Variants in WWOX observed in about 807,000 individuals in gnomAD.
The protein encoded by WWOX is WW domain-containing oxidoreductase.
In WWOX, 69 loss-of-function variants were observed where a neutral mutation model predicts 46.2. The observed-to-expected ratio is 1.49, with a 90% CI of 1.23 to 1.82. The LOEUF (loss-of-function observed/expected upper bound fraction) is 1.82. Among genes scored for constraint, WWOX ranks in the 40% most tolerant of loss-of-function variants. The pLI is 0.00. For missense variants in WWOX, 919 were observed against 542.6 expected, an observed-to-expected ratio of 1.69 and a Z score of -6.89; for synonymous variants, 359 against 202.6, an observed-to-expected ratio of 1.77 and a Z score of -6.56.
intron 8 of WWOX, among the ~76,000 whole-genome samples, chr16:78,444,617 G>A (rs1028103072): frequency 6.7e-6 from 1 of 149,504 alleles, no homozygotes; most frequent in Non-Finnish European, 1.5e-5. Flanking sequence ...GCAAACCTCT[G>A]CCTCCCGGGT....
chr16:79,173,785 T>C (rs1330864050), intron 8 of WWOX, among the ~76,000 whole-genome samples: 4 of 152,126 alleles, frequency 2.6e-5, no homozygotes, highest in Non-Finnish European at 4.4e-5. Flanking sequence ...AAAATACTTA[T>C]GATAAAAGGT....
intron 8 of WWOX, among the ~76,000 whole-genome samples, chr16:78,530,492 C>A (rs1437099397): frequency 1.3e-5 from 2 of 152,200 alleles, no homozygotes; most frequent in Non-Finnish European, 2.9e-5. Flanking sequence ...AGTCCAGCCG[C>A]TTCTCTCCAA....
intron 8 of WWOX, among the ~76,000 whole-genome samples, chr16:79,009,071 C>T (rs549516778): frequency 1.3e-5 from 2 of 152,286 alleles, no homozygotes; most frequent in South Asian, 4.1e-4. Context: ...TTAGAGGGAT[C>T]CACGGAGCTG....
intron 8 of WWOX, among the ~76,000 whole-genome samples, chr16:79,144,149 C>G (rs148353368): frequency 0.013 from 2,010 of 152,312 alleles, 24 homozygotes; most frequent in Non-Finnish European, 0.02. Context: ...ATCCTCCTGT[C>G]TCAGCCTCCC....
At chr16:78,560,157 C>T (rs1242462483) in intron 8 of WWOX, among the ~76,000 whole-genome samples, 1 of 152,076 alleles carries the variant, frequency 6.6e-6, no homozygotes, top group African/African-American at 2.4e-5. Flanking sequence ...CATAGTAGGG[C>T]TTTTCTCCAG....
At chr16:78,957,866 G>A (rs2046199435) in intron 8 of WWOX, among the ~76,000 whole-genome samples, 1 of 152,200 alleles carries the variant, frequency 6.6e-6, no homozygotes, top group Admixed American at 6.5e-5. Context: ...GCAGAGAAGA[G>A]GCTGGGCGTG....
At chr16:79,193,361 C>T (rs57330372) in intron 8 of WWOX, among the ~76,000 whole-genome samples, 43 of 152,354 alleles carry the variant, frequency 2.8e-4, no homozygotes, top group African/African-American at 7.0e-4. Context: ...GAGGAGACTT[C>T]AGTCGATGTA....
chr16:78,316,423 C>T (rs893486533), intron 5 of WWOX, among the ~76,000 whole-genome samples: 1 of 152,068 alleles, frequency 6.6e-6, no homozygotes, highest in East Asian at 1.9e-4. Flanking sequence ...TCACTGCAAC[C>T]TCCGACCCCC....
chr16:78,364,765 T>C (rs1239565813), intron 5 of WWOX, among the ~76,000 whole-genome samples: 1 of 152,224 alleles, frequency 6.6e-6, no homozygotes, highest in Non-Finnish European at 1.5e-5. Context: ...ACCCTGTGTA[T>C]GTCTGCACTT....
intron 8 of WWOX, among the ~76,000 whole-genome samples, chr16:79,056,659 A>T (rs1313097771): frequency 6.6e-6 from 1 of 152,142 alleles, no homozygotes; most frequent in Non-Finnish European, 1.5e-5. Context: ...TCACAAACAC[A>T]AATGTCTCCA....
chr16:78,427,626 C>A (rs1466908840), intron 7 of WWOX, among the ~76,000 whole-genome samples: 1 of 151,880 alleles, frequency 6.6e-6, no homozygotes, highest in East Asian at 1.9e-4. Flanking sequence ...TAAAAATCCT[C>A]AATAAAATTG....
chr16:79,138,024 A>G (rs143289861), intron 8 of WWOX, among the ~76,000 whole-genome samples: 12 of 152,308 alleles, frequency 7.9e-5, no homozygotes, highest in African/African-American at 2.6e-4. Context: ...GTTTTACCCA[A>G]ACTGTTTCCA....
intron 8 of WWOX, among the ~76,000 whole-genome samples, chr16:79,058,468 G>C (rs2048305161): frequency 6.6e-6 from 1 of 152,108 alleles, no homozygotes; most frequent in Admixed American, 6.6e-5. Flanking sequence ...AAGGAAGAGA[G>C]AGAGGGAAGA....
chr16:78,351,474 T>C (rs1189544665), intron 5 of WWOX, among the ~76,000 whole-genome samples: 2 of 152,054 alleles, frequency 1.3e-5, no homozygotes. Context: ...TCATATACGC[T>C]TTAGGTGGGG....
At chr16:78,944,159 A>G (rs919196421) in intron 8 of WWOX, among the ~76,000 whole-genome samples, 1 of 151,948 alleles carries the variant, frequency 6.6e-6, no homozygotes, top group Admixed American at 6.6e-5. Flanking sequence ...TTGTTGATTG[A>G]TTTTTGTCTT....
intron 8 of WWOX, among the ~76,000 whole-genome samples, chr16:79,145,124 C>T (rs1416818843): frequency 1.3e-5 from 2 of 152,110 alleles, no homozygotes; most frequent in Non-Finnish European, 2.9e-5. Context: ...GGTATTAATC[C>T]ATTATTTACT....
chr16:78,679,013 G>T (rs1399085358), intron 8 of WWOX, among the ~76,000 whole-genome samples: 1 of 152,150 alleles, frequency 6.6e-6, no homozygotes, highest in Non-Finnish European at 1.5e-5. Context: ...CCAGTGGAGA[G>T]ACAGGAAAGC....
At chr16:78,298,812 A>C (rs896058469) in intron 5 of WWOX, among the ~76,000 whole-genome samples, 13 of 148,884 alleles carry the variant, frequency 8.7e-5, no homozygotes, top group African/African-American at 3.0e-4. Flanking sequence ...AAAAAAAATT[A>C]TGTCCTTCTA....
intron 8 of WWOX, among the ~76,000 whole-genome samples, chr16:78,814,585 C>A (rs187364944): frequency 6.6e-6 from 1 of 152,246 alleles, no homozygotes; most frequent in East Asian, 1.9e-4. Context: ...CTTTTCCAAC[C>A]TATCCAATTT....
Sources: gnomAD v4.1 joint callset for allele counts (sites outside exome capture counted in the v4.1 genomes callset) on GRCh38, gnomAD v4.1.1 for gene constraint, MANE v1.5 for transcripts, NCBI Gene and HGNC (gene_info 2026-07-23, HGNC 2026-07-21) for gene names.